The following FRS2 variants were observed in gnomAD, a reference collection of about 807,000 sequenced individuals.
FRS2 encodes FGFR signalling adaptor.
In FRS2, 8 loss-of-function variants were observed where a neutral mutation model predicts 43.9. That is an observed-to-expected ratio of 0.18 (90% confidence interval 0.11 to 0.33). The LOEUF is 0.33. Among genes scored for constraint, FRS2 ranks in the 10% least tolerant of loss-of-function variants. FRS2 has a pLI of 1.00. For missense variants in FRS2, 534 were observed against 627.6 expected (o/e 0.85, Z 1.59); for synonymous variants, 219 against 220.3 (o/e 0.99, Z 0.05).
chr12:69,473,249 G>A (rs1405608749), intron 1 of FRS2, among the ~76,000 whole-genome samples: 1 of 152,222 alleles, frequency 6.6e-6, no homozygotes, highest in African/African-American at 2.4e-5. Flanking sequence ...GGGCTATGTG[G>A]CTAGCATGTA....
intron 1 of FRS2, among the ~76,000 whole-genome samples, chr12:69,526,094 T>C (rs531560186): frequency 1.3e-5 from 2 of 152,260 alleles, no homozygotes; most frequent in Admixed American, 1.3e-4. Flanking sequence ...TGACCTCAGG[T>C]GATCTGCTGA....
chr12:69,554,702 T>G (rs984635383), intron 3 of FRS2, among the ~76,000 whole-genome samples: 10 of 152,150 alleles, frequency 6.6e-5, no homozygotes, highest in Admixed American at 6.5e-5. Flanking sequence ...CATATTGCAT[T>G]TAGTGGTTTG....
chr12:69,540,487 A>G (rs1877802273), intron 3 of FRS2, among the ~76,000 whole-genome samples: 1 of 152,094 alleles, frequency 6.6e-6, no homozygotes, highest in Non-Finnish European at 1.5e-5. Context: ...GTATTGAATT[A>G]TAACTCAGAG....
chr12:69,475,808 T>G (rs1260585707), intron 1 of FRS2, among the ~76,000 whole-genome samples: 3 of 152,108 alleles, frequency 2.0e-5, no homozygotes, highest in African/African-American at 7.2e-5. Context: ...GACTGTGGAG[T>G]AGTGTCAGTT....
intron 1 of FRS2, among the ~76,000 whole-genome samples, chr12:69,482,808 A>T (rs1871460501): frequency 6.6e-6 from 1 of 152,330 alleles, no homozygotes; most frequent in South Asian, 2.1e-4. Context: ...TGTTCTGAAA[A>T]TTGACTGATA....
chr12:69,498,203 T>A lies in FRS2; in HGVS notation c.-261+27673T>A, dbSNP rs137994091. ...TAGCCCTGACAGGAAGATTGCAGTC[T>A]AGTTGGAAAGGAAATACTAAAATAT... On this transcript the variant is annotated intron_variant, in intron 1 of 8. Transcript: ENST00000549921. 1.1e-4 allele frequency among the ~76,000 whole-genome samples: 17 copies of A among 152,276 alleles called. No homozygotes were observed. The East Asian group carries it at 2.9e-3, about 26-fold the overall frequency.
At chr12:69,480,625 C>T (rs1476627308) in intron 1 of FRS2, among the ~76,000 whole-genome samples, 1 of 152,184 alleles carries the variant, frequency 6.6e-6, no homozygotes, top group Non-Finnish European at 1.5e-5. Context: ...GCCACTGCAC[C>T]TGGCCATTGG....
chr12:69,529,271 A>C (rs1425890028), intron 1 of FRS2, among the ~76,000 whole-genome samples: 2 of 152,160 alleles, frequency 1.3e-5, no homozygotes, highest in Non-Finnish European at 2.9e-5. Flanking sequence ...AATAATATGA[A>C]TATCTTTTGA....
At chr12:69,479,618 C>T (rs1388146745) in intron 1 of FRS2, among the ~76,000 whole-genome samples, 1 of 151,784 alleles carries the variant, frequency 6.6e-6, no homozygotes, top group Admixed American at 6.6e-5. Context: ...GGATGGTCTC[C>T]ATCTCCTGAC....
chr12:69,536,643 G>A (rs1035595769), intron 3 of FRS2, among the ~76,000 whole-genome samples: 3 of 149,950 alleles, frequency 2.0e-5, no homozygotes, highest in Non-Finnish European at 3.0e-5. Context: ...GCAGTGGCAC[G>A]ATCCTTTAGC....
chr12:69,543,139 C>T (rs478600), intron 3 of FRS2, among the ~76,000 whole-genome samples: 91,294 of 152,028 alleles, frequency 0.6, 29,081 homozygotes, highest in African/African-American at 0.82. Flanking sequence ...ATCTTAAATT[C>T]CATATTTTTC....
chr12:69,491,413 A>G (rs1159700056), intron 1 of FRS2: 2 of 151,898 alleles, frequency 1.3e-5, no homozygotes, highest in Middle Eastern at 3.4e-3. Context: ...TAGCTTTTTA[A>G]TGGCTGTATA....
chr12:69,507,948 C>T (rs1347366319), intron 1 of FRS2, among the ~76,000 whole-genome samples: 4 of 146,680 alleles, frequency 2.7e-5, no homozygotes, highest in Non-Finnish European at 5.9e-5. Flanking sequence ...TGCTTCAACC[C>T]AGGAGGCAGA....
chr12:69,493,716 C>T (rs1049129240), intron 1 of FRS2, among the ~76,000 whole-genome samples: 38 of 152,018 alleles, frequency 2.5e-4, no homozygotes, highest in African/African-American at 7.5e-4. Context: ...AGCGAAACTC[C>T]GCCTCAAAAA....
rs1326974219 is a variant in FRS2 at position 69,576,751 on chromosome 12, A to G, written c.*1796A>G. On this transcript the variant is annotated 3_prime_UTR_variant, in exon 9 of 9. Transcript: ENST00000549921. ...TTTAGTGTCTTTACTATAAATCAAT[A>G]TCAGTGTATTTTATCATTCTATGTG... 1 of 152,568 alleles carries G rather than the reference A, an allele frequency of 6.6e-6. No homozygotes were observed. The highest frequency in any genetic ancestry group is 1.9e-4 in the East Asian group (1 of 5,198). 9.5% of individuals were successfully genotyped at this position (152,568 alleles called of 1,614,324 possible).
chr12:69,514,253 A>G (rs978248200), intron 1 of FRS2, among the ~76,000 whole-genome samples: 1 of 152,204 alleles, frequency 6.6e-6, no homozygotes, highest in Non-Finnish European at 1.5e-5. Flanking sequence ...TCCAAATCAC[A>G]TTGCATAATT....
chr12:69,564,345 C>T (rs2135786021), intron 4 of FRS2, among the ~76,000 whole-genome samples: 1 of 152,096 alleles, frequency 6.6e-6, no homozygotes, highest in Admixed American at 6.5e-5. Flanking sequence ...TTCATACTAT[C>T]CTTGAGCCAG....
At position 69,569,801 on chromosome 12, in the gene FRS2, C is replaced by G. The variant is rs556164650; in HGVS notation, c.67-530C>G. On this transcript the variant is annotated intron_variant, in intron 5 of 8. Coordinates refer to ENST00000549921, the MANE Select transcript of FRS2 (RefSeq NM_001278356.2). ...TTCTCCCTAAATGTTACCTACTGCT[C>G]TTAGTCTTTGGATGTTTTCTGAAGC... is the stretch of plus-strand genomic sequence containing the variant. Among the ~76,000 whole-genome samples the G allele has an allele frequency of 2.1e-3, 327 of 152,326 alleles. 1 individual carries two copies. The highest frequency in any genetic ancestry group is 3.6e-3 in the Non-Finnish European group (244 of 68,036).
In FRS2 at chr12:69,569,316, C is replaced by T. The variant is rs935674016; in HGVS notation, c.66+220C>T. Among the ~76,000 whole-genome samples the T allele has an allele frequency of 2.6e-5, 4 of 152,036 alleles. 1 individual carries two copies. Among genetic ancestry groups the T allele is most frequent in the Admixed American group, 2.0e-4 (3 of 15,270 alleles). ...GTCCTCTGTATCTAATTAGCCATACCGTTCTGGTAATACTGTTTTTAAAAT... is the reference window on the plus strand; with the variant it reads ...GTCCTCTGTATCTAATTAGCCATACTGTTCTGGTAATACTGTTTTTAAAAT... On this transcript the variant is annotated intron_variant, in intron 5 of 8. Coordinates refer to ENST00000549921, the MANE Select transcript of FRS2 (RefSeq NM_001278356.2).
Sources: allele counts gnomAD v4.1 joint callset (sites outside exome capture counted in the v4.1 genomes callset), GRCh38; gene constraint gnomAD v4.1.1; transcripts MANE v1.5; gene names NCBI Gene and HGNC (gene_info 2026-07-23, HGNC 2026-07-21).